MPPED2: variants seen among roughly 807,000 people sequenced by gnomAD.
The protein encoded by MPPED2 is metallophosphoesterase domain containing 2.
A neutral mutation model predicts 33.0 loss-of-function variants in MPPED2; 5 were observed. That is an observed-to-expected ratio of 0.15 (90% CI 0.08 to 0.32). The LOEUF is 0.32. MPPED2 is among the 10% of genes least tolerant of loss of function. The probability of loss-of-function intolerance (pLI) is 1.00; values close to 1 mark genes in which losing one functional copy is unlikely to be tolerated. For missense variants in MPPED2, 275 were observed against 372.1 expected (o/e 0.74, Z 2.15); for synonymous variants, 136 against 141.9 (o/e 0.96, Z 0.29).
At chr11:30,504,558 G>A (rs16920847) in intron 3 of MPPED2, among the ~76,000 whole-genome samples, 8,264 of 152,082 alleles carry the variant, frequency 0.054, 738 homozygotes, top group African/African-American at 0.19. Flanking sequence ...GCACTTAGTT[G>A]GTACCCACTG....
chr11:30,469,480 T>A (rs1333450075), intron 4 of MPPED2, among the ~76,000 whole-genome samples: 2 of 152,128 alleles, frequency 1.3e-5, no homozygotes, highest in African/African-American at 4.8e-5. Flanking sequence ...ATGAAAAATC[T>A]CAGAATCGGA....
intron 4 of MPPED2, among the ~76,000 whole-genome samples, chr11:30,457,830 C>A (rs1950343093): frequency 6.6e-6 from 1 of 152,156 alleles, no homozygotes; most frequent in Non-Finnish European, 1.5e-5. Flanking sequence ...TTGTGGCCAG[C>A]CAAACTCATA....
intron 3 of MPPED2, among the ~76,000 whole-genome samples, chr11:30,531,111 A>T (rs982793454): frequency 6.6e-6 from 1 of 152,238 alleles, no homozygotes; most frequent in African/African-American, 2.4e-5. Context: ...AAGCCTATTC[A>T]TGGCTTACCT....
intron 2 of MPPED2, among the ~76,000 whole-genome samples, chr11:30,547,646 T>C (rs1955493695): frequency 6.6e-6 from 1 of 152,194 alleles, no homozygotes; most frequent in Non-Finnish European, 1.5e-5. Context: ...CAGATGCAAA[T>C]AAATTATGTC....
intron 3 of MPPED2, among the ~76,000 whole-genome samples, chr11:30,535,038 C>T (rs145247878): frequency 0.019 from 2,954 of 152,234 alleles, 45 homozygotes; most frequent in Non-Finnish European, 0.029. Context: ...AGCAAAGTCA[C>T]ATGAAAAATC....
chr11:30,465,580 G>A (rs963540959), intron 4 of MPPED2, among the ~76,000 whole-genome samples: 1 of 152,210 alleles, frequency 6.6e-6, no homozygotes, highest in Admixed American at 6.5e-5. Context: ...ACAGGTGTGA[G>A]CCACCATGCC....
intron 4 of MPPED2, among the ~76,000 whole-genome samples, chr11:30,438,734 T>C (rs1949432960): frequency 1.3e-5 from 2 of 152,176 alleles, no homozygotes; most frequent in South Asian, 4.1e-4. Flanking sequence ...TTGAGATCAA[T>C]GAAGATAATA....
intron 3 of MPPED2, among the ~76,000 whole-genome samples, chr11:30,517,372 A>T (rs1590677053): frequency 6.6e-6 from 1 of 152,210 alleles, no homozygotes; most frequent in Non-Finnish European, 1.5e-5. Context: ...AACACTGGGC[A>T]TATTTCCCTA....
At chr11:30,512,107 C>A (rs1284288839) in intron 3 of MPPED2, among the ~76,000 whole-genome samples, 1 of 152,240 alleles carries the variant, frequency 6.6e-6, no homozygotes, top group South Asian at 2.1e-4. Flanking sequence ...TGAGGAGACA[C>A]CAAATAGGCA....
intron 4 of MPPED2, among the ~76,000 whole-genome samples, chr11:30,462,194 T>C (rs1387492049): frequency 6.6e-6 from 1 of 152,212 alleles, no homozygotes; most frequent in Non-Finnish European, 1.5e-5. Context: ...CCTCCTGCTT[T>C]CCAGGGTAAA....
intron 4 of MPPED2, among the ~76,000 whole-genome samples, chr11:30,463,483 T>C (rs895533226): frequency 1.3e-5 from 2 of 152,098 alleles, no homozygotes; most frequent in African/African-American, 4.8e-5. Context: ...GCCCTGGAGG[T>C]TGGTGCAGGC....
intron 4 of MPPED2, among the ~76,000 whole-genome samples, chr11:30,479,628 C>T (rs996564236): frequency 7.3e-6 from 1 of 137,180 alleles, no homozygotes; most frequent in Non-Finnish European, 1.5e-5. Context: ...CTCCCAAAGA[C>T]ATACCTCTAA....
intron 4 of MPPED2, among the ~76,000 whole-genome samples, chr11:30,449,426 T>G (rs1949954112): frequency 6.6e-6 from 1 of 152,108 alleles, no homozygotes; most frequent in South Asian, 2.1e-4. Context: ...GTAAACAGAT[T>G]ACTTGAGCCC....
chr11:30,417,782 G>A, intron 4 of MPPED2, 149 bp from the exon 5 acceptor site: 1 of 599,830 alleles, frequency 1.7e-6, no homozygotes, highest in South Asian at 2.0e-5. Flanking sequence ...CTTTTTTGTT[G>A]ACTGCTTCAA....
chr11:30,390,775 G>A (rs1337236433), intron 6 of MPPED2, among the ~76,000 whole-genome samples: 1 of 152,204 alleles, frequency 6.6e-6, no homozygotes, highest in Non-Finnish European at 1.5e-5. Flanking sequence ...AAGGTTAGCT[G>A]GGCCCAAAGG....
chr11:30,577,709 C>T (rs1011296888), intron 2 of MPPED2, among the ~76,000 whole-genome samples: 5 of 152,128 alleles, frequency 3.3e-5, no homozygotes, highest in African/African-American at 1.2e-4. Context: ...ATCAGGCCTA[C>T]AAAACAATGG....
rs553639491 is a variant in MPPED2, at chr11:30,410,305, T to G, written c.*1163A>C. The G allele has an allele frequency of 1.0e-6, 1 of 985,114 alleles. No homozygotes were observed. Among genetic ancestry groups the G allele is most frequent in the East Asian group, 1.1e-4 (1 of 8,806 alleles). The allele number at this position is 985,114 out of a possible 1,614,324, so 61.0% of individuals were successfully genotyped here. A position where few individuals can be genotyped will look rare whatever the true frequency, so the allele number is the denominator to read the frequency against. On this transcript the variant is annotated 3_prime_UTR_variant, in exon 7 of 7. Transcript: ENST00000358117. ...AATAAATTTAAAGAAACAACTGCTT[T>G]CCTAAATTTCATTAACAAAGTAACA...
intron 4 of MPPED2, among the ~76,000 whole-genome samples, chr11:30,464,735 T>C (rs1243366208): frequency 1.3e-5 from 2 of 152,248 alleles, no homozygotes; most frequent in African/African-American, 2.4e-5. Flanking sequence ...TCAATTCACT[T>C]TTATGGTTTA....
chr11:30,571,396 G>T (rs959445266), intron 2 of MPPED2, among the ~76,000 whole-genome samples: 2 of 152,038 alleles, frequency 1.3e-5, no homozygotes, highest in African/African-American at 4.8e-5. Context: ...AAATAATGCA[G>T]GAGCCAATAA....
Sources: gnomAD v4.1 joint callset for allele counts (sites outside exome capture counted in the v4.1 genomes callset) on GRCh38, gnomAD v4.1.1 for gene constraint, MANE v1.5 for transcripts, NCBI Gene and HGNC (gene_info 2026-07-23, HGNC 2026-07-21) for gene names.